The following ZIM2 variants were observed in gnomAD, a reference collection of about 807,000 sequenced individuals.
ZIM2 encodes the protein zinc finger protein 656.
Under a neutral mutation model 38.6 loss-of-function variants are expected in ZIM2, and 14 were observed. The observed-to-expected ratio is 0.36, with a 90% CI of 0.24 to 0.57. ZIM2 has a LOEUF of 0.57. Ranked by LOEUF, ZIM2 falls within the 20% of genes least tolerant of loss-of-function variation. The pLI is 0.81. For missense variants in ZIM2, 680 were observed against 695.1 expected, an observed-to-expected ratio of 0.98 and a Z score of 0.24; for synonymous variants, 247 against 245.8, an observed-to-expected ratio of 1.00 and a Z score of -0.04.
intron 9 of ZIM2, among the ~76,000 whole-genome samples, chr19:56,791,708 C>CTA (rs750907362): frequency 8.5e-5 from 13 of 152,228 alleles, no homozygotes; most frequent in South Asian, 4.1e-4. Context: ...TGTTCCCTTG[C>CTA]TATATATATG....
chr19:56,838,238 T>C (rs1325397923), intron 1 of ZIM2, among the ~76,000 whole-genome samples: 1 of 152,048 alleles, frequency 6.6e-6, no homozygotes, highest in Non-Finnish European at 1.5e-5. Flanking sequence ...CAGCCAAAGA[T>C]TGCACCACAG....
At chr19:56,809,213 T>C (rs929792903) in intron 9 of ZIM2, among the ~76,000 whole-genome samples, 2 of 152,162 alleles carry the variant, frequency 1.3e-5, no homozygotes, top group African/African-American at 4.8e-5. Context: ...CGTCACAGAA[T>C]GACCATGGAA....
intron 10 of ZIM2, among the ~76,000 whole-genome samples, chr19:56,786,864 T>C (rs1257356802): frequency 1.3e-5 from 2 of 152,124 alleles, no homozygotes; most frequent in Admixed American, 6.5e-5. Flanking sequence ...TGAGATAGAG[T>C]CTCACTCTGT....
intron 2 of ZIM2, among the ~76,000 whole-genome samples, chr19:56,831,868 A>C (rs922554894): frequency 6.6e-6 from 1 of 152,238 alleles, no homozygotes; most frequent in Non-Finnish European, 1.5e-5. Flanking sequence ...ATTCCCATTT[A>C]CGTGTACACA....
chr19:56,783,951 T>C (rs569275080), intron 10 of ZIM2, among the ~76,000 whole-genome samples: 1 of 152,314 alleles, frequency 6.6e-6, no homozygotes, highest in Admixed American at 6.5e-5. Flanking sequence ...AGAAAATGCA[T>C]AGGATCTCCC....
Position 56,775,067 on chromosome 19 carries a change from C to G in ZIM2, c.1298G>C (p.Arg433Pro). The G allele has an allele frequency of 4.3e-6, 7 of 1,614,128 alleles. No homozygotes were observed. The highest frequency in any genetic ancestry group is 5.9e-6 in the Non-Finnish European group (7 of 1,180,032). The change falls in exon 13 of 13, where the codon CGT becomes CCT. Residue 433 changes from arginine to proline, a missense_variant. Arg to Pro is a moderately radical substitution (Grantham distance 103, BLOSUM62 -2). Transcript: ENST00000629319. ...GTCCTCCTGACTGTGAATTCTTACA[C>G]GTTCACAGAGATTCGCACACTGGAC... Reference protein sequence around the residue: ...PSVQCANLCERVRIHSQEDYF... With the variant: ...PSVQCANLCEPVRIHSQEDYF...
Position 56,816,691 on chromosome 19 carries a change from A to G in ZIM2, c.490+1055T>C, listed in dbSNP as rs769795114. 3 of 1,614,000 alleles carry G rather than the reference A, an allele frequency of 1.9e-6. No individual in the cohort carries two copies. In the South Asian group the frequency reaches 3.3e-5, roughly 18 times the overall value. ...ATTATCTTTGTCATCCCCAAAGTGG[A>G]TTTTCTGGTGCTCAATCAGGGCAGA... On this transcript the variant is annotated intron_variant, in intron 9 of 12. Transcript: ENST00000629319.
At chr19:56,797,572 T>A (rs1411915722) in intron 9 of ZIM2, among the ~76,000 whole-genome samples, 1 of 152,136 alleles carries the variant, frequency 6.6e-6, no homozygotes, top group African/African-American at 2.4e-5. Context: ...TACATGTCAA[T>A]TTCCATGCAC....
chr19:56,815,462 C>T (rs1322675979), intron 9 of ZIM2: 4 of 1,614,016 alleles, frequency 2.5e-6, no homozygotes, highest in Admixed American at 1.7e-5. Context: ...GAGGGCTTCT[C>T]CCTATCATGA....
At chr19:56,822,496 GTT>G (rs11355455) in intron 6 of ZIM2, 6,024 of 327,560 alleles carry the variant, frequency 0.018, no homozygotes, top group Middle Eastern at 0.025. Context: ...GAAACTTCCA[GTT>G]TTTTTTTTTT....
chr19:56,836,774 C>T (rs2062155445), intron 1 of ZIM2, among the ~76,000 whole-genome samples: 1 of 151,970 alleles, frequency 6.6e-6, no homozygotes, highest in African/African-American at 2.4e-5. Flanking sequence ...TTCGAGACCA[C>T]CCTGGCCAAA....
At chr19:56,811,328 T>A (rs2059528059) in intron 9 of ZIM2, 1 of 898,730 alleles carries the variant, frequency 1.1e-6, no homozygotes, top group Non-Finnish European at 1.3e-6. Flanking sequence ...TTAAATGAAC[T>A]GTTAAATGAA....
At chr19:56,795,485 G>A (rs1053135494) in intron 9 of ZIM2, among the ~76,000 whole-genome samples, 2 of 152,244 alleles carry the variant, frequency 1.3e-5, no homozygotes, top group Admixed American at 6.5e-5. Flanking sequence ...CTCACGCCCT[G>A]GCCTGGCTGA....
chr19:56,783,926 A>G (rs543841163), intron 10 of ZIM2, among the ~76,000 whole-genome samples: 51 of 152,200 alleles, frequency 3.4e-4, no homozygotes, highest in Non-Finnish European at 6.0e-4. Context: ...AATATAGAAA[A>G]TTGTAACACG....
chr19:56,823,663 G>A lies in ZIM2; in HGVS notation c.33C>T (p.Asp11=), dbSNP rs146592671. The A allele has an allele frequency of 2.6e-4, 414 of 1,614,122 alleles. 2 individuals are homozygous for A. The African/African-American group carries it at 4.2e-3, about 16-fold the overall frequency. The change falls in exon 5 of 13, where the codon GAC becomes GAT. Residue 11 remains aspartate, a synonymous_variant. Coordinates refer to ENST00000629319, the MANE Select transcript of ZIM2 (RefSeq NM_001387356.1). The part of the protein sequence containing the change: MYQPEDDNNS[D]VTSDDDMTRN... ...GGGTCATGTCGTCGTCGCTGGTCAC[G>A]TCACTGTTGTTGTCGTCTAAGAGGA...
At chr19:56,838,762 T>C (rs1048001918) in intron 1 of ZIM2, among the ~76,000 whole-genome samples, 3 of 152,170 alleles carry the variant, frequency 2.0e-5, no homozygotes, top group African/African-American at 7.2e-5. Context: ...CAAAACAGCC[T>C]GGCGACCAGC....
At chr19:56,812,529 G>C in intron 9 of ZIM2, 1 of 985,686 alleles carries the variant, frequency 1.0e-6, no homozygotes, top group Non-Finnish European at 1.2e-6. Context: ...TGGGCACCTA[G>C]GGTGCAAACT....
intron 9 of ZIM2, among the ~76,000 whole-genome samples, chr19:56,808,690 C>A (rs1399899646): frequency 6.6e-6 from 1 of 152,234 alleles, no homozygotes; most frequent in Non-Finnish European, 1.5e-5. Context: ...TGATCCCCAA[C>A]AATTAGTGTT....
At chr19:56,778,473 T>C (rs959619314) in intron 12 of ZIM2, among the ~76,000 whole-genome samples, 3 of 152,208 alleles carry the variant, frequency 2.0e-5, no homozygotes, top group Non-Finnish European at 2.9e-5. Flanking sequence ...TAACCCGATA[T>C]GGAACAATGA....
Sources: allele counts gnomAD v4.1 joint callset (sites outside exome capture counted in the v4.1 genomes callset), GRCh38; gene constraint gnomAD v4.1.1; transcripts MANE v1.5; gene names NCBI Gene and HGNC (gene_info 2026-07-23, HGNC 2026-07-21).